The following CAST variants were observed in gnomAD, a reference collection of about 807,000 sequenced individuals.
CAST encodes the protein calpastatin.
In CAST, 76 loss-of-function variants were observed where a neutral mutation model predicts 119.6. That is an observed-to-expected ratio of 0.64 (90% CI 0.53 to 0.77). CAST has a LOEUF of 0.77. CAST is among the 30% of genes least tolerant of loss of function. CAST has a pLI of 0.00. For synonymous variants in CAST, 319 were observed against 331.6 expected (o/e 0.96, Z 0.41); for missense variants, 953 against 946.5 (o/e 1.01, Z -0.09).
chr5:96,594,775 A>G (rs1339949021), intron 1 of CAST, among the ~76,000 whole-genome samples: 3 of 152,200 alleles, frequency 2.0e-5, no homozygotes, highest in Non-Finnish European at 4.4e-5. Flanking sequence ...TTTGTTTTCT[A>G]TGCACCACAT....
At chr5:96,050,100 T>C in the CAST span, 1 of 152,048 alleles carries the variant, frequency 6.6e-6, no homozygotes, top group Admixed American at 6.6e-5. Context: ...GTAGATTTAG[T>C]AACGATGGGG....
the CAST span, among the ~76,000 whole-genome samples, chr5:96,015,423 A>T: frequency 7.9e-5 from 12 of 152,176 alleles, no homozygotes; most frequent in Non-Finnish European, 1.6e-4. Context: ...TTGCTGTTTG[A>T]ATTTTTAGAA....
the CAST span, chr5:96,215,032 C>T: frequency 6.6e-6 from 1 of 152,146 alleles, no homozygotes; most frequent in African/African-American, 2.4e-5. Context: ...GGAGAATGAT[C>T]CGATTGGCCA....
the CAST span, among the ~76,000 whole-genome samples, chr5:95,972,239 C>T: frequency 6.6e-6 from 1 of 152,262 alleles, no homozygotes; most frequent in Middle Eastern, 3.4e-3. Context: ...TCAGCCAAGT[C>T]TTATTTCCCT....
At chr5:96,665,725 AACAC>A (rs143855509) in intron 1 of CAST, among the ~76,000 whole-genome samples, 3 of 150,750 alleles carry the variant, frequency 2.0e-5, no homozygotes, top group East Asian at 3.9e-4. Context: ...GCCAGTTTAT[AACAC>A]ACACACACAC....
chr5:96,598,113 T>C lies in CAST; in HGVS notation c.60+68233T>C, dbSNP rs112812204. 4.1e-4 allele frequency among the ~76,000 whole-genome samples: 62 copies of C among 152,234 alleles called. 1 individual carries two copies. The highest frequency in any genetic ancestry group is 1.4e-3 in the Admixed American group (22 of 15,300). Reference sequence around the variant, plus strand: ...ATCAGAGCTTGTACAACCTGCTTGATGAGAATTCGCTGGACTTGCTGCCCA... The same window carrying C: ...ATCAGAGCTTGTACAACCTGCTTGACGAGAATTCGCTGGACTTGCTGCCCA... On this transcript the variant is annotated intron_variant, in intron 1 of 11. Transcript: ENST00000505143.
At chr5:96,186,831 C>G in the CAST span, among the ~76,000 whole-genome samples, 1 of 152,046 alleles carries the variant, frequency 6.6e-6, no homozygotes, top group South Asian at 2.1e-4. Context: ...GTATCTCTGC[C>G]ACGTTTTGGT....
At chr5:96,746,220 T>C in intron 16 of CAST, 122 bp from the exon 17 acceptor site, 1 of 677,430 alleles carries the variant, frequency 1.5e-6, no homozygotes, top group South Asian at 1.8e-5. Context: ...TACAAGGCTC[T>C]TCCAGATGCT....
chr5:96,362,840 T>G, the CAST span, among the ~76,000 whole-genome samples: 37 of 152,192 alleles, frequency 2.4e-4, no homozygotes, highest in Non-Finnish European at 4.9e-4. Flanking sequence ...TTAGTTTAAT[T>G]AGATCCCATT....
At chr5:96,076,092 G>A in the CAST span, among the ~76,000 whole-genome samples, 3 of 152,084 alleles carry the variant, frequency 2.0e-5, no homozygotes, top group Non-Finnish European at 2.9e-5. Flanking sequence ...GGACAACCAC[G>A]CCCTAGGTCA....
At chr5:96,409,803 G>A in the CAST span, among the ~76,000 whole-genome samples, 5 of 152,234 alleles carry the variant, frequency 3.3e-5, no homozygotes, top group Non-Finnish European at 7.3e-5. Context: ...AGTAGCTGAA[G>A]AGATGCGCGT....
At chr5:95,983,223 G>C in the CAST span, among the ~76,000 whole-genome samples, 125 of 152,352 alleles carry the variant, frequency 8.2e-4, 1 homozygote, top group African/African-American at 2.9e-3. Flanking sequence ...ACCTCTGAGA[G>C]AGAGGGTGAG....
the CAST span, among the ~76,000 whole-genome samples, chr5:96,368,603 T>C: frequency 6.6e-6 from 1 of 152,002 alleles, no homozygotes; most frequent in African/African-American, 2.4e-5. Context: ...TCTGATTCGC[T>C]CCAGTAGGAA....
chr5:96,553,664 C>G (rs1270604424), intron 1 of CAST, among the ~76,000 whole-genome samples: 1 of 152,222 alleles, frequency 6.6e-6, no homozygotes, highest in African/African-American at 2.4e-5. Context: ...CCCATCGTCT[C>G]AGCCCAAAAT....
chr5:96,002,891 T>C, the CAST span, among the ~76,000 whole-genome samples: 2 of 152,252 alleles, frequency 1.3e-5, no homozygotes, highest in Non-Finnish European at 2.9e-5. Context: ...GTCTTTCTTA[T>C]GGTAATATAC....
the CAST span, among the ~76,000 whole-genome samples, chr5:96,338,387 T>C: frequency 6.6e-6 from 1 of 152,234 alleles, no homozygotes. Flanking sequence ...TCCTATTCTT[T>C]CCTTCCTTCT....
intron 1 of CAST, among the ~76,000 whole-genome samples, chr5:96,673,280 A>T (rs944588609): frequency 1.3e-5 from 2 of 152,140 alleles, no homozygotes; most frequent in African/African-American, 4.8e-5. Context: ...TTTTTTAGAG[A>T]TGTTTAAAGA....
chr5:96,125,584 T>A, the CAST span, among the ~76,000 whole-genome samples: 1 of 152,144 alleles, frequency 6.6e-6, no homozygotes, highest in African/African-American at 2.4e-5. Flanking sequence ...ATTTAACATT[T>A]TTGTGTTTGT....
the CAST span, among the ~76,000 whole-genome samples, chr5:96,303,067 G>T: frequency 6.6e-6 from 1 of 152,192 alleles, no homozygotes; most frequent in Non-Finnish European, 1.5e-5. Context: ...CTGGCTTAAG[G>T]TTCCACAGGC....
Sources: gnomAD v4.1 joint callset for allele counts (sites outside exome capture counted in the v4.1 genomes callset) on GRCh38, gnomAD v4.1.1 for gene constraint, MANE v1.5 for transcripts, NCBI Gene and HGNC (gene_info 2026-07-23, HGNC 2026-07-21) for gene names.